DNAH9: variants seen among roughly 807,000 people sequenced by gnomAD.
The protein encoded by DNAH9 is dynein axonemal heavy chain 9, also known as DNAH9 variant protein.
Under a neutral mutation model 471.6 loss-of-function variants are expected in DNAH9, and 345 were observed. That is an observed-to-expected ratio of 0.73 (90% CI 0.67 to 0.80). DNAH9 has a LOEUF of 0.80. Ranked by LOEUF, DNAH9 falls within the 30% of genes least tolerant of loss-of-function variation. DNAH9 has a pLI of 0.00. For synonymous variants in DNAH9, 2,093 were observed against 2,123.6 expected, an observed-to-expected ratio of 0.99 and a Z score of 0.40; for missense variants, 5,407 against 5,609.2, an observed-to-expected ratio of 0.96 and a Z score of 1.15.
At position 11,607,871 on chromosome 17, in the gene DNAH9, A is replaced by G. The variant is rs370188002; in HGVS notation, c.418-258A>G. 8.5e-5 allele frequency among the ~76,000 whole-genome samples: 13 copies of G among 152,260 alleles called. No homozygotes were observed. The East Asian group carries it at 1.5e-3, about 18-fold the overall frequency. ...AGGCATGAACCACCGCACTTAGCCG[A>G]TAAAGAATTTTTTGGCTAGAGGGCT... On this transcript the variant is annotated intron_variant, in intron 1 of 68. Transcript: ENST00000262442.
chr17:11,734,805 C>T (rs1219548611), intron 28 of DNAH9, among the ~76,000 whole-genome samples: 1 of 152,238 alleles, frequency 6.6e-6, no homozygotes, highest in Non-Finnish European at 1.5e-5. Flanking sequence ...AGCACCGATG[C>T]TCCGAAGTTA....
chr17:11,747,860 A>G (rs1966957039), intron 32 of DNAH9, 94 bp downstream of exon 32: 3 of 1,156,638 alleles, frequency 2.6e-6, no homozygotes, highest in Non-Finnish European at 2.5e-6. Flanking sequence ...AGAAGCAAAC[A>G]TTGGACTGAT....
chr17:11,601,169 G>C (rs2072378661), intron 1 of DNAH9, among the ~76,000 whole-genome samples: 1 of 152,178 alleles, frequency 6.6e-6, no homozygotes, highest in Non-Finnish European at 1.5e-5. Flanking sequence ...TCTATTGTAT[G>C]TATATACCAC....
chr17:11,899,909 C>G (rs1415337586), intron 59 of DNAH9, among the ~76,000 whole-genome samples: 1 of 152,150 alleles, frequency 6.6e-6, no homozygotes, highest in African/African-American at 2.4e-5. Flanking sequence ...AAGAGGCCTA[C>G]AAAAGTTCTT....
intron 42 of DNAH9, among the ~76,000 whole-genome samples, chr17:11,795,091 T>C (rs1381720271): frequency 6.6e-6 from 1 of 151,990 alleles, no homozygotes; most frequent in African/African-American, 2.4e-5. Flanking sequence ...TACATATATA[T>C]ATATAAGACA....
intron 45 of DNAH9, among the ~76,000 whole-genome samples, chr17:11,818,329 T>C (rs1970175728): frequency 6.6e-6 from 1 of 151,764 alleles, no homozygotes. Flanking sequence ...CCTGGGAGGC[T>C]GATGCAGGAG....
chr17:11,870,830 C>T (rs1354235997), intron 51 of DNAH9, among the ~76,000 whole-genome samples: 4 of 152,094 alleles, frequency 2.6e-5, no homozygotes, highest in African/African-American at 9.7e-5. Flanking sequence ...CTGTCTCTAC[C>T]GACCTAGAGA....
At chr17:11,856,543 C>CAAA (rs34782323) in intron 50 of DNAH9, among the ~76,000 whole-genome samples, 59,012 of 136,906 alleles carry the variant, frequency 0.43, 13,188 homozygotes, top group Non-Finnish European at 0.48. Flanking sequence ...ACTAAAAATA[C>CAAA]AAAAAAAAAA....
At chr17:11,636,221 G>A (rs548852296) in intron 8 of DNAH9, among the ~76,000 whole-genome samples, 23 of 152,234 alleles carry the variant, frequency 1.5e-4, no homozygotes, top group African/African-American at 5.5e-4. Context: ...GGCCAGGCTG[G>A]TCTTGAACTC....
intron 10 of DNAH9, among the ~76,000 whole-genome samples, chr17:11,641,613 C>T (rs1341763030): frequency 2.0e-5 from 3 of 152,050 alleles, no homozygotes. Flanking sequence ...TTCCCGGGGA[C>T]CCCCCAGCCC....
chr17:11,795,707 T>A (rs139266885), intron 42 of DNAH9, among the ~76,000 whole-genome samples: 93 of 152,316 alleles, frequency 6.1e-4, no homozygotes, highest in African/African-American at 2.1e-3. Flanking sequence ...CCTGGCAAAT[T>A]AGTCTTCATG....
chr17:11,960,302 G>C (rs934415520), intron 67 of DNAH9, among the ~76,000 whole-genome samples: 1 of 150,646 alleles, frequency 6.6e-6, no homozygotes, highest in Non-Finnish European at 1.5e-5. Flanking sequence ...CGGGTGTGGT[G>C]GTGGGCGCCT....
At chr17:11,749,074 GTTTTTTTTTTTGTT>G (rs1470282170) in intron 32 of DNAH9, among the ~76,000 whole-genome samples, 2 of 49,130 alleles carry the variant, frequency 4.1e-5, no homozygotes, top group South Asian at 7.2e-4. Context: ...GTTTTTTTTT[GTTTTTTTTTTTGTT>G]TTTTTTTTTT....
rs1478776268 is a variant in DNAH9, at chr17:11,784,484, C to G, written c.8006C>G (p.Thr2669Arg). ...HQKIATTFLP[T>R]GIKFHYIFNL... ...AAAATTGCTACCACCTTCCTACCCA[C>G]AGGAATCAAATTCCACTACATCTTC... The change falls in exon 41 of 69, where the codon ACA (threonine) becomes AGA (arginine). Residue 2669 changes from threonine (T) to arginine (R), a missense_variant. Physicochemically the swap from Thr to Arg is moderately conservative, Grantham distance 71. Around this residue, in one of 3 missense-constraint regions of DNAH9, gnomAD observed 4,636 missense variants for 4,900.3 expected, o/e 0.95. Transcript: ENST00000262442. The G allele has an allele frequency of 6.2e-7, 1 of 1,614,126 alleles. No individual in the cohort carries two copies. The highest frequency in any genetic ancestry group is 1.3e-5 in the African/African-American group (1 of 74,942).
chr17:11,705,765 T>C (rs1359589946), intron 26 of DNAH9, among the ~76,000 whole-genome samples: 1 of 152,124 alleles, frequency 6.6e-6, no homozygotes, highest in Non-Finnish European at 1.5e-5. Flanking sequence ...TGATAAATAC[T>C]CAAGATGATG....
chr17:11,835,756 C>G (rs1046414175), intron 49 of DNAH9, among the ~76,000 whole-genome samples: 1 of 152,130 alleles, frequency 6.6e-6, no homozygotes, highest in South Asian at 2.1e-4. Flanking sequence ...TGCCTTCTCC[C>G]GAGAGTCTGG....
chr17:11,810,255 G>A lies in DNAH9; in HGVS notation c.8593G>A (p.Ala2865Thr). 6.2e-7 allele frequency: 1 copy of A among 1,612,664 alleles called. No homozygotes were observed. Among genetic ancestry groups the A allele is most frequent in the South Asian group, 1.1e-5 (1 of 90,750 alleles). Residue 2865 changes from alanine to threonine, a missense_variant, in exon 45 of 69, where the codon GCC (alanine) becomes ACC (threonine). Physicochemically the swap from Ala to Thr is moderately conservative, Grantham distance 58. Around this residue, in one of 3 missense-constraint regions of DNAH9, gnomAD observed 4,636 missense variants for 4,900.3 expected, o/e 0.95. Transcript: ENST00000262442. ...YQIQDFKMDL[A>T]SLCLKAGVKN... is the part of the protein sequence containing the mutation. The stretch of plus-strand genomic sequence containing the variant: ...TTGACCATTCCTACAGATGGACCTG[G>A]CCAGCCTGTGTCTGAAAGCTGGAGT...
At chr17:11,695,525 T>C (rs372795991) in intron 22 of DNAH9, among the ~76,000 whole-genome samples, 1 of 152,220 alleles carries the variant, frequency 6.6e-6, no homozygotes, top group African/African-American at 2.4e-5. Context: ...GTCTTGGACA[T>C]GTGACTTCTT....
chr17:11,839,827 T>C (rs1304765738), intron 49 of DNAH9, among the ~76,000 whole-genome samples: 1 of 152,176 alleles, frequency 6.6e-6, no homozygotes, highest in African/African-American at 2.4e-5. Context: ...ATTAACATAT[T>C]CACCACCTCA....
Sources: gnomAD v4.1 joint callset for allele counts (sites outside exome capture counted in the v4.1 genomes callset) on GRCh38, gnomAD v4.1.1 for gene constraint, gnomAD v4.1.1 regional missense constraint, MANE v1.5 for transcripts, NCBI Gene and HGNC (gene_info 2026-07-23, HGNC 2026-07-21) for gene names.